Variants in CTNND2 observed in about 807,000 individuals in gnomAD.
The protein encoded by CTNND2 is catenin delta-2.
A neutral mutation model predicts 144.4 loss-of-function variants in CTNND2; 22 were observed. The ratio of observed to expected loss-of-function variants is 0.15; its 90% CI spans 0.11 to 0.22. CTNND2 has a LOEUF of 0.22. Ranked by LOEUF, CTNND2 falls within the 10% of genes least tolerant of loss-of-function variation. CTNND2 has a pLI of 1.00. For missense variants in CTNND2, 1,353 were observed against 1,618.8 expected, an observed-to-expected ratio of 0.84 and a Z score of 2.82; for synonymous variants, 751 against 695.6, an observed-to-expected ratio of 1.08 and a Z score of -1.25.
intron 1 of CTNND2, among the ~76,000 whole-genome samples, chr5:11,740,932 G>C (rs904717098): frequency 2.0e-5 from 3 of 152,160 alleles, no homozygotes; most frequent in Non-Finnish European, 4.4e-5. Context: ...CTTCTCAAAA[G>C]ACAACATTTA....
At chr5:11,019,110 T>G (rs1741951360) in intron 17 of CTNND2, among the ~76,000 whole-genome samples, 1 of 152,198 alleles carries the variant, frequency 6.6e-6, no homozygotes, top group Non-Finnish European at 1.5e-5. Flanking sequence ...AGAAGATATT[T>G]CTACAACATA....
intron 11 of CTNND2, among the ~76,000 whole-genome samples, chr5:11,163,857 A>C (rs1759032823): frequency 6.6e-6 from 1 of 152,216 alleles, no homozygotes; most frequent in Non-Finnish European, 1.5e-5. Context: ...TAAGTGACCC[A>C]ACACTTTCTT....
At chr5:11,692,172 C>T (rs191218413) in intron 2 of CTNND2, among the ~76,000 whole-genome samples, 6 of 152,296 alleles carry the variant, frequency 3.9e-5, no homozygotes, top group Admixed American at 1.3e-4. Context: ...GAAAGCATGG[C>T]TGCAATGTAT....
intron 9 of CTNND2, among the ~76,000 whole-genome samples, chr5:11,306,637 C>T (rs1013205567): frequency 4.6e-5 from 7 of 152,150 alleles, no homozygotes; most frequent in African/African-American, 1.7e-4. Flanking sequence ...TACAGGTTGA[C>T]CTTGGGGACT....
intron 9 of CTNND2, among the ~76,000 whole-genome samples, chr5:11,237,651 T>TC (rs1326514643): frequency 6.6e-6 from 1 of 152,122 alleles, no homozygotes; most frequent in African/African-American, 2.4e-5. Context: ...CAGGCATGTG[T>TC]CACCACGTCC....
At chr5:11,345,996 C>T (rs1039322947) in intron 9 of CTNND2, among the ~76,000 whole-genome samples, 10 of 152,182 alleles carry the variant, frequency 6.6e-5, no homozygotes, top group East Asian at 3.9e-4. Context: ...AATAGAAATA[C>T]GCATGATGAC....
At chr5:11,241,046 GCA>G (rs957868105) in intron 9 of CTNND2, among the ~76,000 whole-genome samples, 1 of 130,052 alleles carries the variant, frequency 7.7e-6, no homozygotes, top group Non-Finnish European at 1.6e-5. Flanking sequence ...CAACACACAT[GCA>G]CACACACCAC....
chr5:11,147,971 G>A (rs1213422783), intron 12 of CTNND2, among the ~76,000 whole-genome samples: 1 of 152,204 alleles, frequency 6.6e-6, no homozygotes, highest in Non-Finnish European at 1.5e-5. Context: ...TATCCATGCA[G>A]GGGAATATTA....
At chr5:11,866,026 GGT>G (rs1795753990) in intron 1 of CTNND2, among the ~76,000 whole-genome samples, 1 of 152,034 alleles carries the variant, frequency 6.6e-6, no homozygotes, top group African/African-American at 2.4e-5. Context: ...AAGAGGAACA[GGT>G]GTAGTGGCTC....
chr5:11,459,731 CT>C (rs1340309412), intron 3 of CTNND2, among the ~76,000 whole-genome samples: 4 of 152,108 alleles, frequency 2.6e-5, no homozygotes, highest in African/African-American at 9.7e-5. Context: ...GACAATAAAA[CT>C]TTTGTATATT....
At chr5:11,266,858 C>T (rs1561122131) in intron 9 of CTNND2, among the ~76,000 whole-genome samples, 1 of 152,166 alleles carries the variant, frequency 6.6e-6, no homozygotes, top group East Asian at 1.9e-4. Context: ...CGAACTGCCA[C>T]AAATGCAAAG....
intron 2 of CTNND2, among the ~76,000 whole-genome samples, chr5:11,569,258 G>A (rs1031908661): frequency 6.6e-6 from 1 of 152,130 alleles, no homozygotes; most frequent in Non-Finnish European, 1.5e-5. Context: ...GCAGAGCAGT[G>A]TTAGAAAGCC....
At chr5:11,072,074 G>A (rs572689992) in intron 16 of CTNND2, among the ~76,000 whole-genome samples, 265 of 152,286 alleles carry the variant, frequency 1.7e-3, no homozygotes, top group Middle Eastern at 3.4e-3. Context: ...TTAGTCTGTG[G>A]AGGTAATAGT....
At chr5:11,705,274 T>C (rs972806458) in intron 2 of CTNND2, among the ~76,000 whole-genome samples, 10 of 152,210 alleles carry the variant, frequency 6.6e-5, no homozygotes, top group African/African-American at 2.4e-4. Context: ...AAACAGAATG[T>C]GTCTGAGCAC....
intron 1 of CTNND2, among the ~76,000 whole-genome samples, chr5:11,764,914 T>G (rs1236703324): frequency 6.6e-6 from 1 of 151,982 alleles, no homozygotes; most frequent in Non-Finnish European, 1.5e-5. Context: ...AAAAAAAAAG[T>G]GTCCAGATAA....
chr5:10,986,702 G>A, intron 20 of CTNND2: 1 of 456,140 alleles, frequency 2.2e-6, no homozygotes, highest in Non-Finnish European at 4.4e-6. Context: ...GCGCTGAGGT[G>A]TTCCCTTGTA....
At chr5:11,020,456 C>T (rs1742122498) in intron 17 of CTNND2, among the ~76,000 whole-genome samples, 1 of 151,900 alleles carries the variant, frequency 6.6e-6, no homozygotes, top group Admixed American at 6.6e-5. Context: ...CTACCGTTCC[C>T]AATTATTAAA....
intron 3 of CTNND2, among the ~76,000 whole-genome samples, chr5:11,516,698 A>G (rs1161474050): frequency 6.6e-6 from 1 of 152,222 alleles, no homozygotes; most frequent in African/African-American, 2.4e-5. Context: ...AAAATGGTCC[A>G]TGTTCATGGA....
intron 3 of CTNND2, among the ~76,000 whole-genome samples, chr5:11,559,206 T>C (rs1776486521): frequency 6.6e-6 from 1 of 152,196 alleles, no homozygotes; most frequent in African/African-American, 2.4e-5. Context: ...AGGATGTAAG[T>C]CCCTTCCCTC....
Sources: gnomAD v4.1 joint callset for allele counts (sites outside exome capture counted in the v4.1 genomes callset) on GRCh38, gnomAD v4.1.1 for gene constraint, MANE v1.5 for transcripts, NCBI Gene and HGNC (gene_info 2026-07-23, HGNC 2026-07-21) for gene names.